Variants in WASHC5 observed in about 807,000 individuals in gnomAD.
The protein encoded by WASHC5 is WASH complex subunit 5.
In WASHC5, 101 loss-of-function variants were observed where a neutral mutation model predicts 150.4. The observed-to-expected ratio is 0.67, with a 90% CI of 0.57 to 0.79. The LOEUF (loss-of-function observed/expected upper bound fraction) is 0.79, where lower values mean the gene tolerates loss of function less well. WASHC5 is among the 30% of genes least tolerant of loss of function. The pLI is 0.00. For synonymous variants in WASHC5, 467 were observed against 491.2 expected (o/e 0.95, Z 0.65); for missense variants, 1,195 against 1,396.3 (o/e 0.86, Z 2.30).
intron 15 of WASHC5, 97 bp from the exon 16 acceptor site, chr8:125,056,914 T>A: frequency 7.1e-7 from 1 of 1,414,542 alleles, no homozygotes; most frequent in Non-Finnish European, 1.0e-6. Context: ...TATAGGGGGA[T>A]GCTGAAAAAT....
rs368295376 is a variant in WASHC5, at chr8:125,081,625, C to T, written c.518+36G>A. Reference sequence around the variant, plus strand: ...GACATACACTGCATTTTACCGACAGCAGCGTTTCGGAAGTGTAGTCCTAGC... The same window carrying T: ...GACATACACTGCATTTTACCGACAGTAGCGTTTCGGAAGTGTAGTCCTAGC... On this transcript the variant is annotated intron_variant, in intron 5 of 28. Coordinates refer to ENST00000318410, the MANE Select transcript of WASHC5 (RefSeq NM_014846.4). 4.3e-6 allele frequency: 5 copies of T among 1,161,122 alleles called. No homozygotes were observed. The African/African-American group carries it at 7.5e-5, about 18-fold the overall frequency. The allele number at this position is 1,161,122 out of a possible 1,614,324, so 71.9% of individuals were successfully genotyped here.
At chr8:125,029,124 C>T (rs377737170) in intron 27 of WASHC5, among the ~76,000 whole-genome samples, 10 of 151,964 alleles carry the variant, frequency 6.6e-5, no homozygotes, top group African/African-American at 1.7e-4. Context: ...CTCCGCCTCC[C>T]GGGTTCAAGT....
chr8:125,037,596 G>A (rs747372375), intron 25 of WASHC5, among the ~76,000 whole-genome samples: 1 of 152,132 alleles, frequency 6.6e-6, no homozygotes, highest in Non-Finnish European at 1.5e-5. Context: ...TCCTGTTAAT[G>A]TCATTAATAA....
chr8:125,056,881 TATTAGGATG>T, intron 15 of WASHC5, 64 bp from the exon 16 acceptor site: 1 of 1,596,460 alleles, frequency 6.3e-7, no homozygotes, highest in Non-Finnish European at 8.6e-7. Flanking sequence ...GGCTGACAAA[TATTAGGATG>T]CCTAATTTGT....
rs192036535 is a variant in WASHC5, at chr8:125,057,097, A to T, written c.1876-280T>A. 2.9e-3 allele frequency among the ~76,000 whole-genome samples: 447 copies of T among 152,340 alleles called. 4 individuals carry two copies. Among genetic ancestry groups the T allele is most frequent in the African/African-American group, 0.01 (424 of 41,578 alleles). On this transcript the variant is annotated intron_variant, in intron 15 of 28. Transcript: ENST00000318410. The stretch of plus-strand genomic sequence containing the variant: ...TTCAAAAATGTTAAGTAACATCACT[A>T]TAGAGGACTGGCTAGAATGCGACAC...
intron 7 of WASHC5, 144 bp from the exon 8 acceptor site, chr8:125,075,255 A>C (rs1817018697): frequency 1.5e-6 from 1 of 677,604 alleles, no homozygotes; most frequent in African/African-American, 1.8e-5. Flanking sequence ...ATATATAGGT[A>C]AGTGTTCCTG....
In WASHC5 at chr8:125,028,604, ACTAT is replaced by A. The variant is rs774994568; in HGVS notation, c.3423+12_3423+15del. 59 of 1,548,772 alleles carry A rather than the reference ACTAT, an allele frequency of 3.8e-5. No individual in the cohort carries two copies. Among genetic ancestry groups the A allele is most frequent in the Non-Finnish European group, 5.2e-5 (58 of 1,120,722 alleles). On this transcript the variant is annotated intron_variant, in intron 28 of 28. Coordinates refer to ENST00000318410, the MANE Select transcript of WASHC5 (RefSeq NM_014846.4). Reference sequence around the variant, plus strand: ...TTTACAACTATTAATATTGTTCTTTACTATCTATCACTTACCCTCCTGGGTAGCT... The same window carrying A: ...TTTACAACTATTAATATTGTTCTTTACTATCACTTACCCTCCTGGGTAGCT...
rs987943035 is a variant in WASHC5, at chr8:125,048,468, T to A, written c.2379+538A>T. 1.1e-4 allele frequency among the ~76,000 whole-genome samples: 16 copies of A among 152,254 alleles called. No homozygotes were observed. In the East Asian group the frequency reaches 2.3e-3, roughly 22 times the overall value. On this transcript the variant is annotated intron_variant, in intron 19 of 28. Coordinates refer to ENST00000318410, the MANE Select transcript of WASHC5 (RefSeq NM_014846.4). ...TTCAACATCATTGGCATTAGAGAAATGCAAATCAAAACCATGATGAGATAC... is the reference window on the plus strand; with the variant it reads ...TTCAACATCATTGGCATTAGAGAAAAGCAAATCAAAACCATGATGAGATAC...
intron 27 of WASHC5, 34 bp downstream of exon 27, chr8:125,032,207 G>T (rs1280211958): frequency 1.9e-6 from 3 of 1,612,320 alleles, no homozygotes; most frequent in Non-Finnish European, 2.5e-6. Context: ...TTTGTGACAA[G>T]AAGTCCCACG....
intron 10 of WASHC5, 36 bp from the exon 11 acceptor site, chr8:125,063,687 A>G (rs975764283): frequency 6.2e-7 from 1 of 1,602,666 alleles, no homozygotes; most frequent in African/African-American, 1.3e-5. Context: ...TTTACTTAAG[A>G]GAAAAATCCA....
chr8:125,079,560 T>C (rs1011932698), intron 5 of WASHC5, among the ~76,000 whole-genome samples: 3 of 152,138 alleles, frequency 2.0e-5, no homozygotes, highest in Non-Finnish European at 2.9e-5. Flanking sequence ...CATAATCCCT[T>C]TTCCAAAATC....
intron 5 of WASHC5, among the ~76,000 whole-genome samples, chr8:125,081,399 G>A (rs1817257929): frequency 6.6e-6 from 1 of 151,946 alleles, no homozygotes; most frequent in Non-Finnish European, 1.5e-5. Context: ...CACCGTGCCT[G>A]GCTAATTTTT....
At chr8:125,067,836 G>T in intron 9 of WASHC5, 117 bp from the exon 10 acceptor site, 1 of 1,055,132 alleles carries the variant, frequency 9.5e-7, no homozygotes, top group Non-Finnish European at 1.4e-6. Flanking sequence ...TAAGCAAAAT[G>T]TATATCAATA....
chr8:125,041,844 T>C (rs1408637465), intron 23 of WASHC5, among the ~76,000 whole-genome samples: 1 of 152,110 alleles, frequency 6.6e-6, no homozygotes, highest in Non-Finnish European at 1.5e-5. Context: ...ATTTATAGAG[T>C]AGCATTATTT....
At chr8:125,086,696 A>G (rs1484408939) in intron 1 of WASHC5, among the ~76,000 whole-genome samples, 1 of 152,214 alleles carries the variant, frequency 6.6e-6, no homozygotes, top group Non-Finnish European at 1.5e-5. Context: ...CTCTCTACCA[A>G]TTCCAGGCCT....
At chr8:125,087,840 A>T (rs1161930307) in intron 1 of WASHC5, among the ~76,000 whole-genome samples, 1 of 152,190 alleles carries the variant, frequency 6.6e-6, no homozygotes, top group Admixed American at 6.5e-5. Context: ...ATACAGAAAA[A>T]TGTTTCATAA....
In WASHC5 at chr8:125,041,437, C is replaced by T. The variant is rs568893995; in HGVS notation, c.2851-1539G>A. Among the ~76,000 whole-genome samples the T allele has an allele frequency of 1.4e-4, 21 of 152,086 alleles. 1 individual carries two copies. The East Asian group carries it at 3.1e-3, about 22-fold the overall frequency. ...GGCTGATCGCTTGAGGCTAGGAGTT[C>T]GAGACCAAGCCTGGCCAAAATGGTA... On this transcript the variant is annotated intron_variant, in intron 23 of 28. Transcript: ENST00000318410.
intron 9 of WASHC5, among the ~76,000 whole-genome samples, chr8:125,072,087 TC>T (rs980048331): frequency 5.3e-5 from 8 of 152,044 alleles, no homozygotes; most frequent in Non-Finnish European, 8.8e-5. Flanking sequence ...AGACCTATAA[TC>T]CTAGCACTTT....
At chr8:125,075,207 T>C in intron 7 of WASHC5, 96 bp from the exon 8 acceptor site, 1 of 801,618 alleles carries the variant, frequency 1.2e-6, no homozygotes, top group South Asian at 1.4e-5. Flanking sequence ...CCACTCCATG[T>C]TTAAATTCCA....
Sources: allele counts gnomAD v4.1 joint callset (sites outside exome capture counted in the v4.1 genomes callset), GRCh38; gene constraint gnomAD v4.1.1; transcripts MANE v1.5; gene names NCBI Gene and HGNC (gene_info 2026-07-23, HGNC 2026-07-21).